CNBD1: variants seen among roughly 807,000 people sequenced by gnomAD.
CNBD1 encodes cyclic nucleotide-binding domain-containing protein 1.
Under a neutral mutation model 54.4 loss-of-function variants are expected in CNBD1, and 71 were observed. That is an observed-to-expected ratio of 1.30 (90% CI 1.08 to 1.59). The LOEUF is 1.59. Among genes scored for constraint, CNBD1 ranks in the 40% most tolerant of loss-of-function variants. CNBD1 has a pLI of 0.00. For missense variants in CNBD1, 659 were observed against 518.0 expected, an observed-to-expected ratio of 1.27 and a Z score of -2.64; for synonymous variants, 182 against 170.7, an observed-to-expected ratio of 1.07 and a Z score of -0.51.
At position 87,011,201 on chromosome 8, in the gene CNBD1, C is replaced by A. The variant is rs143722124; in HGVS notation, c.431+71447C>A. Among the ~76,000 whole-genome samples, 604 of 149,058 alleles carry A rather than the reference C, an allele frequency of 4.1e-3. 3 individuals are homozygous for A. Among genetic ancestry groups the A allele is most frequent in the Non-Finnish European group, 5.2e-3 (351 of 67,434 alleles). On this transcript the variant is annotated intron_variant, in intron 4 of 10. Transcript: ENST00000518476. ...TTTGGTTTTTTTTTTTTTTTCAGTC[C>A]CTAAATCCCAATATTTACTCTCACA...
At chr8:87,082,453 C>G (rs1379436616) in intron 4 of CNBD1, among the ~76,000 whole-genome samples, 1 of 152,174 alleles carries the variant, frequency 6.6e-6, no homozygotes, top group Non-Finnish European at 1.5e-5. Context: ...TGACACTGAT[C>G]ACTTTATAGT....
At chr8:87,307,717 A>C (rs1182860416) in intron 8 of CNBD1, among the ~76,000 whole-genome samples, 1 of 147,206 alleles carries the variant, frequency 6.8e-6, no homozygotes, top group Non-Finnish European at 1.5e-5. Flanking sequence ...CAGCCTGGGC[A>C]AAAGAGTGAA....
chr8:87,138,511 C>T (rs1045977652), intron 4 of CNBD1, among the ~76,000 whole-genome samples: 1 of 152,218 alleles, frequency 6.6e-6, no homozygotes, highest in African/African-American at 2.4e-5. Context: ...TACAGATAAA[C>T]TTACTGCACA....
intron 6 of CNBD1, among the ~76,000 whole-genome samples, chr8:87,265,819 A>T (rs189119244): frequency 6.6e-6 from 1 of 152,272 alleles, no homozygotes; most frequent in East Asian, 1.9e-4. Context: ...CTATTACAGA[A>T]GAAGTTTGCT....
chr8:87,313,720 T>C (rs542409009), intron 8 of CNBD1, among the ~76,000 whole-genome samples: 1 of 151,874 alleles, frequency 6.6e-6, no homozygotes, highest in East Asian at 1.9e-4. Flanking sequence ...GAAAAAGAAA[T>C]ATGCAGCCTT....
chr8:87,380,429 G>T (rs1391642125), intron 10 of CNBD1, among the ~76,000 whole-genome samples: 3 of 151,784 alleles, frequency 2.0e-5, no homozygotes, highest in African/African-American at 7.3e-5. Flanking sequence ...GCTTTGTAAG[G>T]TATTTTCAAA....
intron 10 of CNBD1, among the ~76,000 whole-genome samples, chr8:87,355,613 A>G (rs1332784301): frequency 6.6e-6 from 1 of 152,194 alleles, no homozygotes. Context: ...ATTAAAGAAA[A>G]TTGTAGATAT....
intron 10 of CNBD1, among the ~76,000 whole-genome samples, chr8:87,362,902 C>T (rs10283376): frequency 0.37 from 56,393 of 151,582 alleles, 10,808 homozygotes; most frequent in Middle Eastern, 0.45. Context: ...AAGTTAAGAA[C>T]GTGCAGGTTT....
At chr8:86,879,207 T>C (rs1808567894) in intron 1 of CNBD1, among the ~76,000 whole-genome samples, 1 of 152,110 alleles carries the variant, frequency 6.6e-6, no homozygotes, top group Admixed American at 6.5e-5. Context: ...TCATTATAAT[T>C]TACTAAATAT....
intron 6 of CNBD1, among the ~76,000 whole-genome samples, chr8:87,246,302 G>T (rs1428671826): frequency 1.3e-5 from 2 of 151,956 alleles, no homozygotes. Context: ...AATTAGACTG[G>T]GAATGAGAAG....
chr8:87,125,520 A>G (rs180863325), intron 4 of CNBD1, among the ~76,000 whole-genome samples: 1 of 151,852 alleles, frequency 6.6e-6, no homozygotes, highest in African/African-American at 2.4e-5. Flanking sequence ...TGATGGCTAC[A>G]TTTTTCATTA....
intron 10 of CNBD1, among the ~76,000 whole-genome samples, chr8:87,376,221 T>G (rs958759789): frequency 2.6e-5 from 4 of 151,870 alleles, no homozygotes; most frequent in Non-Finnish European, 5.9e-5. Context: ...CCCATAGTTT[T>G]GGAGGGCAAG....
chr8:87,316,184 G>T (rs1166006670), intron 8 of CNBD1, among the ~76,000 whole-genome samples: 1 of 151,896 alleles, frequency 6.6e-6, no homozygotes, highest in East Asian at 1.9e-4. Context: ...CTGTAATATT[G>T]TTGCATACAT....
intron 8 of CNBD1, among the ~76,000 whole-genome samples, chr8:87,328,708 T>A (rs1283280850): frequency 6.6e-6 from 1 of 152,174 alleles, no homozygotes; most frequent in African/African-American, 2.4e-5. Context: ...TTGGACATTT[T>A]AACAAGACTA....
intron 8 of CNBD1, among the ~76,000 whole-genome samples, chr8:87,299,708 C>T (rs75102122): frequency 0.044 from 6,643 of 152,152 alleles, 191 homozygotes; most frequent in Non-Finnish European, 0.06. Context: ...GAAAATTGTC[C>T]CAGATCATTT....
chr8:86,988,519 G>A (rs964061310), intron 4 of CNBD1, among the ~76,000 whole-genome samples: 1 of 151,880 alleles, frequency 6.6e-6, no homozygotes, highest in Non-Finnish European at 1.5e-5. Flanking sequence ...TTCTTTCTCT[G>A]TGTTACAAAC....
intron 5 of CNBD1, among the ~76,000 whole-genome samples, chr8:87,219,090 A>G (rs1814271418): frequency 6.6e-6 from 1 of 152,054 alleles, no homozygotes; most frequent in Non-Finnish European, 1.5e-5. Flanking sequence ...ATTATAAAAA[A>G]TAACAATCTG....
intron 2 of CNBD1, among the ~76,000 whole-genome samples, chr8:87,426,311 A>G (rs547487549): frequency 8.5e-5 from 13 of 152,118 alleles, no homozygotes; most frequent in Non-Finnish European, 1.9e-4. Flanking sequence ...TGTAGACCGG[A>G]GCTGTTCCTA....
intron 1 of CNBD1, among the ~76,000 whole-genome samples, chr8:86,867,951 T>C (rs183292289): frequency 1.2e-4 from 18 of 152,284 alleles, no homozygotes; most frequent in Admixed American, 1.2e-3. Context: ...GAGCTCCCAG[T>C]GTTCCTTTAG....
Sources: gnomAD v4.1 joint callset for allele counts (sites outside exome capture counted in the v4.1 genomes callset) on GRCh38, gnomAD v4.1.1 for gene constraint, MANE v1.5 for transcripts, NCBI Gene and HGNC (gene_info 2026-07-23, HGNC 2026-07-21) for gene names.